PPARGC1B: variants seen among roughly 807,000 people sequenced by gnomAD.
PPARGC1B encodes PPARG coactivator 1 beta, also known as peroxisome proliferator-activated receptor gamma coactivator 1-beta.
PPARGC1B carries 34 observed loss-of-function variants against 101.6 expected under a neutral mutation model. The observed-to-expected ratio is 0.33, with a 90% CI of 0.25 to 0.45. The LOEUF (loss-of-function observed/expected upper bound fraction) is 0.45. Ranked by LOEUF, PPARGC1B falls within the 20% of genes least tolerant of loss-of-function variation. The probability of loss-of-function intolerance (pLI) is 1.00; values close to 1 mark genes in which losing one functional copy is unlikely to be tolerated. For synonymous variants in PPARGC1B, 548 were observed against 539.3 expected (o/e 1.02, Z -0.22); for missense variants, 1,234 against 1,317.6 (o/e 0.94, Z 0.98).
At chr5:149,769,563 T>C (rs57177874) in intron 1 of PPARGC1B, among the ~76,000 whole-genome samples, 11,928 of 152,196 alleles carry the variant, frequency 0.078, 531 homozygotes, top group South Asian at 0.13. Context: ...CTCTCTGGGC[T>C]TCAGGTTTCT....
At chr5:149,784,556 G>GTTTTTTTTTTTTTTTT (rs1561535294) in intron 1 of PPARGC1B, among the ~76,000 whole-genome samples, 1 of 111,630 alleles carries the variant, frequency 9.0e-6, no homozygotes, top group Non-Finnish European at 1.9e-5. Flanking sequence ...AGCCAACTGA[G>GTTTTTTTTTTTTTTTT]TTTCTTTTTT....
chr5:149,783,819 G>A (rs1756684969), intron 1 of PPARGC1B, among the ~76,000 whole-genome samples: 1 of 152,144 alleles, frequency 6.6e-6, no homozygotes, highest in Non-Finnish European at 1.5e-5. Flanking sequence ...AGGTAGTTGT[G>A]TGTGAGGCAT....
At chr5:149,838,240 G>A (rs1286507493) in intron 8 of PPARGC1B, among the ~76,000 whole-genome samples, 5 of 152,152 alleles carry the variant, frequency 3.3e-5, no homozygotes, top group African/African-American at 1.2e-4. Flanking sequence ...ATATTAAAAT[G>A]TGCATACACA....
intron 1 of PPARGC1B, among the ~76,000 whole-genome samples, chr5:149,806,081 T>C (rs567164219): frequency 6.6e-6 from 1 of 152,328 alleles, no homozygotes; most frequent in East Asian, 1.9e-4. Context: ...GCCTGGGTTA[T>C]TGGGGAACTG....
chr5:149,816,966 C>T (rs1758079339), intron 1 of PPARGC1B, among the ~76,000 whole-genome samples: 1 of 152,226 alleles, frequency 6.6e-6, no homozygotes, highest in African/African-American at 2.4e-5. Flanking sequence ...CAAATCCTTT[C>T]CAATCCCTTC....
chr5:149,788,906 T>C (rs1349204161), intron 1 of PPARGC1B, among the ~76,000 whole-genome samples: 1 of 152,062 alleles, frequency 6.6e-6, no homozygotes, highest in Non-Finnish European at 1.5e-5. Flanking sequence ...GTGGGGAACA[T>C]CACACCCTGG....
At chr5:149,856,987 G>A (rs1278442061), downstream of PPARGC1B, among the ~76,000 whole-genome samples, 1 of 151,930 alleles carries the variant, frequency 6.6e-6, no homozygotes, top group African/African-American at 2.4e-5. Context: ...CGCCAGACTG[G>A]TCTCAAACTC....
At position 149,730,709 on chromosome 5, in the gene PPARGC1B, G is replaced by T. The variant is rs1051072922; in HGVS notation, c.78+289G>T. ...CGCGGGCAAAACTGGGGGGTACCGC[G>T]CTTCCTTTGGGAGGTGGAGGCGCGC... On this transcript the variant is annotated intron_variant, in intron 1 of 11. Coordinates refer to ENST00000309241, the MANE Select transcript of PPARGC1B (RefSeq NM_133263.4). This position sits in a 1 kb window ranked among gnomAD's most constrained non-coding sequence, Gnocchi z 4.0. Among the ~76,000 whole-genome samples the T allele has an allele frequency of 6.6e-6, 1 of 152,168 alleles. No homozygotes were observed. The highest frequency in any genetic ancestry group is 2.4e-5 in the African/African-American group (1 of 41,456).
chr5:149,817,710 A>G, intron 1 of PPARGC1B: 1 of 456,508 alleles, frequency 2.2e-6, no homozygotes, highest in South Asian at 1.5e-5. Flanking sequence ...AAATAAAGTG[A>G]CTGACAATAC....
intron 8 of PPARGC1B, among the ~76,000 whole-genome samples, chr5:149,838,504 T>C (rs549466538): frequency 1.3e-5 from 2 of 152,344 alleles, no homozygotes; most frequent in African/African-American, 4.8e-5. Context: ...CAGCCTTGCT[T>C]TGCTGTGAGC....
intron 1 of PPARGC1B, among the ~76,000 whole-genome samples, chr5:149,752,783 C>T (rs565243243): frequency 8.5e-4 from 129 of 152,280 alleles, no homozygotes; most frequent in African/African-American, 2.9e-3. Context: ...GAGCCAAGAT[C>T]GTACCATTGC....
At chr5:149,808,577 G>A (rs547480001) in intron 1 of PPARGC1B, among the ~76,000 whole-genome samples, 2 of 152,244 alleles carry the variant, frequency 1.3e-5, no homozygotes, top group East Asian at 1.9e-4. Flanking sequence ...AACTCTCAGC[G>A]TTTTTGCCCC....
intron 1 of PPARGC1B, among the ~76,000 whole-genome samples, chr5:149,736,283 A>G (rs1754707253): frequency 6.6e-6 from 1 of 152,178 alleles, no homozygotes; most frequent in Non-Finnish European, 1.5e-5. Flanking sequence ...TTAACCTGCT[A>G]CTCATGAAAG....
intron 1 of PPARGC1B, among the ~76,000 whole-genome samples, chr5:149,785,524 C>G (rs1756769881): frequency 6.6e-6 from 1 of 152,234 alleles, no homozygotes; most frequent in Admixed American, 6.5e-5. Context: ...TTGAACGTCT[C>G]ATAAATCTTT....
chr5:149,857,213 A>C (rs988903326), downstream of PPARGC1B, among the ~76,000 whole-genome samples: 1 of 152,230 alleles, frequency 6.6e-6, no homozygotes. Context: ...TATTGTTGTT[A>C]GGATGAAATT....
At chr5:149,747,932 A>C (rs190785103) in intron 1 of PPARGC1B, among the ~76,000 whole-genome samples, 4 of 152,268 alleles carry the variant, frequency 2.6e-5, no homozygotes, top group Non-Finnish European at 4.4e-5. Context: ...TTGGTGAATC[A>C]GGTTCCAGGG....
chr5:149,784,187 T>C (rs1240126462), intron 1 of PPARGC1B, among the ~76,000 whole-genome samples: 3 of 152,090 alleles, frequency 2.0e-5, no homozygotes, highest in Non-Finnish European at 4.4e-5. Context: ...TAATTTATCC[T>C]TCTTCCTTGC....
intron 1 of PPARGC1B, among the ~76,000 whole-genome samples, chr5:149,734,172 A>G (rs1214069991): frequency 6.6e-6 from 1 of 151,268 alleles, no homozygotes; most frequent in Non-Finnish European, 1.5e-5. Context: ...AAATACAAAA[A>G]TTAGCTGGGC....
At chr5:149,797,927 C>T (rs577661855) in intron 1 of PPARGC1B, among the ~76,000 whole-genome samples, 33 of 151,952 alleles carry the variant, frequency 2.2e-4, no homozygotes, top group Admixed American at 6.5e-4. Context: ...CCCCACCCCC[C>T]GCCAAAAAAC....
Sources: allele counts gnomAD v4.1 joint callset (sites outside exome capture counted in the v4.1 genomes callset), GRCh38; gene constraint gnomAD v4.1.1; non-coding constraint Gnocchi (gnomAD v3.1); transcripts MANE v1.5; gene names NCBI Gene and HGNC (gene_info 2026-07-23, HGNC 2026-07-21).